Variants in TNIP3 observed in about 807,000 individuals in gnomAD.
TNIP3 encodes the protein TNFAIP3 interacting protein 3, also known as TNFAIP3-interacting protein 3.
A neutral mutation model predicts 54.1 loss-of-function variants in TNIP3; 34 were observed. That is an observed-to-expected ratio of 0.63 (90% CI 0.48 to 0.84). TNIP3 has a LOEUF of 0.84. Ranked by LOEUF, TNIP3 falls within the 40% of genes least tolerant of loss-of-function variation. The probability of loss-of-function intolerance (pLI) is 0.00; values close to 1 mark genes in which losing one functional copy is unlikely to be tolerated. For missense variants in TNIP3, 366 were observed against 387.6 expected (o/e 0.94, Z 0.47); for synonymous variants, 134 against 136.8 (o/e 0.98, Z 0.14).
chr4:121,218,075 G>T (rs1284956482), upstream of TNIP3, among the ~76,000 whole-genome samples: 1 of 151,802 alleles, frequency 6.6e-6, no homozygotes, highest in Non-Finnish European at 1.5e-5. Context: ...ATTATACAGA[G>T]GAAATTTTAA....
chr4:121,187,541 AAAG>A (rs1725084401), intron 2 of TNIP3, among the ~76,000 whole-genome samples: 1 of 152,220 alleles, frequency 6.6e-6, no homozygotes, highest in Non-Finnish European at 1.5e-5. Flanking sequence ...CATTGTTAAT[AAAG>A]AAGGACCATG....
At chr4:121,199,789 C>A (rs1725784382) in intron 2 of TNIP3, among the ~76,000 whole-genome samples, 1 of 152,166 alleles carries the variant, frequency 6.6e-6, no homozygotes, top group Non-Finnish European at 1.5e-5. Flanking sequence ...GAAGCCTAAT[C>A]TTTTCAAGTG....
upstream of TNIP3, among the ~76,000 whole-genome samples, chr4:121,221,468 T>G (rs1001073982): frequency 6.6e-6 from 1 of 152,228 alleles, no homozygotes; most frequent in African/African-American, 2.4e-5. Context: ...ATAATTTCTA[T>G]GCAAAATGAG....
intron 3 of TNIP3, 49 bp from the exon 4 acceptor site, chr4:121,157,292 C>G: frequency 1.9e-6 from 3 of 1,612,686 alleles, no homozygotes; most frequent in Non-Finnish European, 2.5e-6. Flanking sequence ...CTGAAGCTCA[C>G]AAGCCCCTGG....
chr4:121,154,702 A>G, intron 4 of TNIP3, 23 bp from the exon 5 acceptor site: 1 of 1,583,718 alleles, frequency 6.3e-7, no homozygotes, highest in South Asian at 1.1e-5. Flanking sequence ...CCAAGAAAAG[A>G]AAATAAAAGT....
chr4:121,184,893 G>A (rs1238676971), intron 2 of TNIP3, among the ~76,000 whole-genome samples: 1 of 152,186 alleles, frequency 6.6e-6, no homozygotes, highest in Non-Finnish European at 1.5e-5. Context: ...AAACCTGTGA[G>A]GAGGAAAGTC....
At chr4:121,139,292 C>A (rs992247146) in intron 9 of TNIP3, among the ~76,000 whole-genome samples, 1 of 152,178 alleles carries the variant, frequency 6.6e-6, no homozygotes, top group South Asian at 2.1e-4. Context: ...GGGATTTTCT[C>A]CTAGGTTTAC....
chr4:121,169,350 G>A (rs541147062), intron 3 of TNIP3, among the ~76,000 whole-genome samples: 7 of 152,272 alleles, frequency 4.6e-5, no homozygotes, highest in African/African-American at 9.6e-5. Context: ...GTCAGGTAAT[G>A]GTGTAAGTGA....
At chr4:121,178,934 A>C (rs1180477331) in intron 3 of TNIP3, among the ~76,000 whole-genome samples, 1 of 152,224 alleles carries the variant, frequency 6.6e-6, no homozygotes. Flanking sequence ...TCATAAAAAC[A>C]AAATGATAAA....
chr4:121,189,439 A>G (rs918740639), intron 2 of TNIP3, among the ~76,000 whole-genome samples: 6 of 152,218 alleles, frequency 3.9e-5, no homozygotes, highest in African/African-American at 1.2e-4. Context: ...GTGTTGTGTA[A>G]AAGATGCTAA....
chr4:121,202,477 G>GA (rs879700086), intron 2 of TNIP3, among the ~76,000 whole-genome samples: 1 of 152,096 alleles, frequency 6.6e-6, no homozygotes, highest in Non-Finnish European at 1.5e-5. Flanking sequence ...GATAACATTG[G>GA]AAAAACCTTT....
chr4:121,149,565 G>A (rs1729620682), intron 6 of TNIP3, among the ~76,000 whole-genome samples: 1 of 152,188 alleles, frequency 6.6e-6, no homozygotes, highest in South Asian at 2.1e-4. Flanking sequence ...AGAAGTTTGA[G>A]ACCAGCCTGG....
chr4:121,146,803 C>T (rs1186970992), intron 7 of TNIP3, among the ~76,000 whole-genome samples: 2 of 152,052 alleles, frequency 1.3e-5, no homozygotes, highest in South Asian at 2.1e-4. Context: ...ATCAAAAGGA[C>T]TGTATTTTAT....
At chr4:121,154,206 A>G in intron 5 of TNIP3, 1 of 291,764 alleles carries the variant, frequency 3.4e-6, no homozygotes, top group Non-Finnish European at 6.4e-6. Flanking sequence ...TTGTTTCCTG[A>G]GGAAGCTTTT....
intron 3 of TNIP3, among the ~76,000 whole-genome samples, chr4:121,171,523 G>T (rs1416625807): frequency 2.0e-5 from 3 of 152,110 alleles, no homozygotes; most frequent in Non-Finnish European, 4.4e-5. Flanking sequence ...CTGAATCAAG[G>T]CATAAAAACT....
chr4:121,222,193 C>T (rs6835076), intron 1 of TNIP3, among the ~76,000 whole-genome samples: 122,936 of 152,112 alleles, frequency 0.81, 49,983 homozygotes, highest in South Asian at 0.91. Flanking sequence ...TAGTGAATTT[C>T]TTCCCCTGCG....
At chr4:121,225,965 T>C (rs2148856221) in intron 1 of TNIP3, among the ~76,000 whole-genome samples, 1 of 152,312 alleles carries the variant, frequency 6.6e-6, no homozygotes. Flanking sequence ...TTAAAAATTA[T>C]TATTTCTTCC....
intron 3 of TNIP3, among the ~76,000 whole-genome samples, chr4:121,182,218 G>A (rs141367237): frequency 0.011 from 1,625 of 152,248 alleles, 22 homozygotes; most frequent in Non-Finnish European, 0.015. Flanking sequence ...ACCCTGAAAC[G>A]AGTGGAAGTT....
chr4:121,223,742 G>A (rs965943731), intron 1 of TNIP3, among the ~76,000 whole-genome samples: 1 of 152,144 alleles, frequency 6.6e-6, no homozygotes, highest in Admixed American at 6.5e-5. Flanking sequence ...AGCACAGTAG[G>A]TATATGCATA....
Sources: allele counts gnomAD v4.1 joint callset (sites outside exome capture counted in the v4.1 genomes callset), GRCh38; gene constraint gnomAD v4.1.1; transcripts MANE v1.5; gene names NCBI Gene and HGNC (gene_info 2026-07-23, HGNC 2026-07-21).